Variants in PDSS2 observed in about 807,000 individuals in gnomAD.
PDSS2 encodes the protein all trans-polyprenyl-diphosphate synthase PDSS2.
A neutral mutation model predicts 44.5 loss-of-function variants in PDSS2; 31 were observed. That is an observed-to-expected ratio of 0.70 (90% CI 0.52 to 0.94). PDSS2 has a LOEUF of 0.94. Ranked by LOEUF, PDSS2 falls within the 40% of genes least tolerant of loss-of-function variation. PDSS2 has a pLI of 0.00. For missense variants in PDSS2, 452 were observed against 482.2 expected (o/e 0.94, Z 0.59); for synonymous variants, 157 against 180.3 (o/e 0.87, Z 1.03).
chr6:107,250,203 C>T (rs1350194289), intron 3 of PDSS2, among the ~76,000 whole-genome samples: 1 of 150,510 alleles, frequency 6.6e-6, no homozygotes, highest in Non-Finnish European at 1.5e-5. Context: ...AAAAAATCCT[C>T]GCATTGCTAT....
At chr6:107,212,776 C>G (rs1366387440) in intron 4 of PDSS2, among the ~76,000 whole-genome samples, 2 of 147,566 alleles carry the variant, frequency 1.4e-5, no homozygotes, top group Non-Finnish European at 3.0e-5. Flanking sequence ...GAGGCCAAGG[C>G]AGGAGGATTG....
chr6:107,194,823 C>T lies in PDSS2; in HGVS notation c.1009-969G>A, dbSNP rs556103085. Among the ~76,000 whole-genome samples, 11 of 152,162 alleles carry T rather than the reference C, an allele frequency of 7.2e-5. No homozygotes were observed. The East Asian group carries it at 1.7e-3, about 24-fold the overall frequency. On this transcript the variant is annotated intron_variant, in intron 6 of 7. Transcript: ENST00000369037. ...AAAATTAGCCAGGCGTGGTGGCAGG[C>T]GCCTGTAATCCCAGCTACTCAGAAG... is the stretch of plus-strand genomic sequence containing the variant.
chr6:107,442,320 G>T (rs559618653), intron 1 of PDSS2, among the ~76,000 whole-genome samples: 145 of 152,254 alleles, frequency 9.5e-4, no homozygotes, highest in Non-Finnish European at 1.3e-3. Context: ...GGGAGGCTGA[G>T]GCAGGAGAAT....
chr6:107,352,667 T>A (rs56186710), intron 1 of PDSS2, among the ~76,000 whole-genome samples: 42,100 of 152,006 alleles, frequency 0.28, 6,319 homozygotes, highest in South Asian at 0.57. Flanking sequence ...GAAAAAAAAT[T>A]AAACTGGCTG....
At chr6:107,303,558 C>T (rs923417466) in intron 2 of PDSS2, among the ~76,000 whole-genome samples, 1 of 152,108 alleles carries the variant, frequency 6.6e-6, no homozygotes, top group Non-Finnish European at 1.5e-5. Flanking sequence ...TGCATTTTTC[C>T]ATAAAAATGT....
At chr6:107,332,538 C>T (rs1777745686) in intron 2 of PDSS2, among the ~76,000 whole-genome samples, 1 of 151,658 alleles carries the variant, frequency 6.6e-6, no homozygotes, top group Admixed American at 6.6e-5. Flanking sequence ...TTTTAACATA[C>T]TAATTTAATG....
intron 2 of PDSS2, among the ~76,000 whole-genome samples, chr6:107,324,375 A>T (rs1777474190): frequency 6.6e-6 from 1 of 152,224 alleles, no homozygotes; most frequent in African/African-American, 2.4e-5. Flanking sequence ...ATAATCATTT[A>T]AAATCACTGT....
intron 6 of PDSS2, among the ~76,000 whole-genome samples, chr6:107,202,657 G>C (rs1181146695): frequency 6.6e-6 from 1 of 152,106 alleles, no homozygotes; most frequent in African/African-American, 2.4e-5. Flanking sequence ...GAAGGCATGT[G>C]CAAGGAAGTT....
intron 1 of PDSS2, among the ~76,000 whole-genome samples, chr6:107,365,135 TTTC>T (rs1256255824): frequency 6.6e-6 from 1 of 152,200 alleles, no homozygotes; most frequent in Non-Finnish European, 1.5e-5. Flanking sequence ...ATTTTTCTCA[TTTC>T]TTCTCTTAAA....
At chr6:107,193,428 C>T (rs1343898376) in intron 7 of PDSS2, among the ~76,000 whole-genome samples, 1 of 152,194 alleles carries the variant, frequency 6.6e-6, no homozygotes, top group Non-Finnish European at 1.5e-5. Context: ...GTCTTCCATC[C>T]ACACCCCATA....
chr6:107,291,409 G>T (rs1242603624), intron 2 of PDSS2, among the ~76,000 whole-genome samples: 1 of 147,654 alleles, frequency 6.8e-6, no homozygotes, highest in Non-Finnish European at 1.5e-5. Context: ...GTACAGTAGT[G>T]TTATTGTAGT....
intron 1 of PDSS2, among the ~76,000 whole-genome samples, chr6:107,351,081 A>T (rs191081880): frequency 4.8e-4 from 73 of 152,286 alleles, no homozygotes; most frequent in African/African-American, 1.7e-3. Flanking sequence ...AAAAAAAAAA[A>T]TTGATAAAAG....
chr6:107,338,365 G>C (rs1055395723), intron 1 of PDSS2, among the ~76,000 whole-genome samples: 6 of 152,182 alleles, frequency 3.9e-5, no homozygotes, highest in African/African-American at 1.4e-4. Flanking sequence ...AGGAAGGCTA[G>C]CTTAGAAAAT....
intron 4 of PDSS2, among the ~76,000 whole-genome samples, chr6:107,212,811 G>C (rs965388746): frequency 2.8e-5 from 4 of 145,106 alleles, no homozygotes; most frequent in African/African-American, 5.2e-5. Context: ...TTCGAGACCA[G>C]CCTGGGCAAC....
chr6:107,154,172 G>T lies in PDSS2; in HGVS notation c.*447C>A. On this transcript the variant is annotated 3_prime_UTR_variant, in exon 8 of 8. Coordinates refer to ENST00000369037, the MANE Select transcript of PDSS2 (RefSeq NM_020381.4). ...GAACTACTCTCCATTATGACAAATT[G>T]GTCACTAGTTTTTGATTAGACAATC... The T allele has an allele frequency of 5.2e-6, 1 of 192,118 alleles. No individual in the cohort carries two copies. 11.9% of individuals were successfully genotyped at this position (192,118 alleles called of 1,614,324 possible).
At chr6:107,229,093 G>A (rs774823290) in intron 4 of PDSS2, among the ~76,000 whole-genome samples, 49 of 152,062 alleles carry the variant, frequency 3.2e-4, no homozygotes, top group Non-Finnish European at 3.5e-4. Context: ...AAACCTCTTA[G>A]AATATACACT....
At chr6:107,378,458 T>C (rs1779358435) in intron 1 of PDSS2, among the ~76,000 whole-genome samples, 1 of 152,076 alleles carries the variant, frequency 6.6e-6, no homozygotes, top group Admixed American at 6.6e-5. Context: ...AATAGACAAT[T>C]GGAAACTGAA....
At chr6:107,395,624 T>C (rs1327060007) in intron 1 of PDSS2, among the ~76,000 whole-genome samples, 1 of 152,194 alleles carries the variant, frequency 6.6e-6, no homozygotes, top group Non-Finnish European at 1.5e-5. Context: ...ATATTTTCCA[T>C]TTCTCTACTT....
chr6:107,246,891 T>G (rs1426057235), intron 3 of PDSS2, among the ~76,000 whole-genome samples: 1 of 152,196 alleles, frequency 6.6e-6, no homozygotes, highest in African/African-American at 2.4e-5. Context: ...ACATTGTCCT[T>G]CAGGTAACCA....
Sources: gnomAD v4.1 joint callset for allele counts (sites outside exome capture counted in the v4.1 genomes callset) on GRCh38, gnomAD v4.1.1 for gene constraint, MANE v1.5 for transcripts, NCBI Gene and HGNC (gene_info 2026-07-23, HGNC 2026-07-21) for gene names.